BMPR2: variants seen among roughly 807,000 people sequenced by gnomAD.
The protein encoded by BMPR2 is bone morphogenetic protein receptor type 2, also known as bone morphogenetic protein receptor type-2.
BMPR2 carries 29 observed loss-of-function variants against 100.8 expected under a neutral mutation model. That is an observed-to-expected ratio of 0.29 (90% CI 0.21 to 0.39). The LOEUF (loss-of-function observed/expected upper bound fraction) is 0.39, where lower values mean the gene tolerates loss of function less well. BMPR2 is among the 10% of genes least tolerant of loss of function. BMPR2 has a pLI of 1.00. For synonymous variants in BMPR2, 382 were observed against 442.3 expected, an observed-to-expected ratio of 0.86 and a Z score of 1.71; for missense variants, 1,011 against 1,274.5, an observed-to-expected ratio of 0.79 and a Z score of 3.15.
At chr2:202,400,902 A>G (rs1370655532) in intron 1 of BMPR2, among the ~76,000 whole-genome samples, 3 of 152,220 alleles carry the variant, frequency 2.0e-5, no homozygotes, top group African/African-American at 4.8e-5. Context: ...TCTATAATCT[A>G]TTCTAATACT....
At chr2:202,438,650 A>G (rs1040242698) in intron 1 of BMPR2, among the ~76,000 whole-genome samples, 2 of 150,554 alleles carry the variant, frequency 1.3e-5, no homozygotes, top group Admixed American at 1.3e-4. Context: ...ATACAAGGTT[A>G]GGGGATCCAA....
intron 3 of BMPR2, among the ~76,000 whole-genome samples, chr2:202,506,256 A>G (rs957445591): frequency 2.0e-5 from 3 of 152,014 alleles, no homozygotes; most frequent in African/African-American, 7.3e-5. Context: ...TCTTGGGTTC[A>G]AGTGATTCTC....
rs182651291 is a variant in BMPR2 at position 202,462,519 on chromosome 2, T to A, written c.77-2290T>A. 5.9e-4 allele frequency among the ~76,000 whole-genome samples: 90 copies of A among 151,866 alleles called. 1 individual carries two copies. Among genetic ancestry groups the A allele is most frequent in the African/African-American group, 2.1e-3 (89 of 41,466 alleles). On this transcript the variant is annotated intron_variant, in intron 1 of 12. Transcript: ENST00000374580. Reference sequence around the variant, plus strand: ...CAGGCGTGAGCCACCGTGCCCAGGCTAGTAACCACTGTTTATCTATTAATT... The same window carrying A: ...CAGGCGTGAGCCACCGTGCCCAGGCAAGTAACCACTGTTTATCTATTAATT...
intron 5 of BMPR2, among the ~76,000 whole-genome samples, chr2:202,517,344 T>C (rs1421635900): frequency 6.6e-6 from 1 of 150,892 alleles, no homozygotes; most frequent in Non-Finnish European, 1.5e-5. Flanking sequence ...TCTTTTTTTT[T>C]TTTTTTTTAC....
At chr2:202,529,210 A>G (rs1574493087) in intron 7 of BMPR2, among the ~76,000 whole-genome samples, 3 of 152,222 alleles carry the variant, frequency 2.0e-5, no homozygotes, top group African/African-American at 7.2e-5. Context: ...TAATATGTAT[A>G]AATATCCATA....
rs866646865 is a variant in BMPR2 at position 202,393,888 on chromosome 2, A to C, written c.76+16338A>C. Among the ~76,000 whole-genome samples the C allele has an allele frequency of 1.5e-3, 83 of 56,370 alleles. No individual in the cohort carries two copies. The South Asian group carries it at 0.015, about 10-fold the overall frequency. 37.0% of individuals were successfully genotyped at this position (56,370 alleles called of 152,430 possible). The stretch of plus-strand genomic sequence containing the variant: ...AATTAAGGTAATGAGAGAGCGAGAG[A>C]GAGAGAGAGAGAGAGAGAGAGAGAG... On this transcript the variant is annotated intron_variant, in intron 1 of 12. Transcript: ENST00000374580.
intron 1 of BMPR2, among the ~76,000 whole-genome samples, chr2:202,403,215 T>G (rs1690806434): frequency 8.2e-6 from 1 of 121,868 alleles, no homozygotes; most frequent in African/African-American, 3.1e-5. Flanking sequence ...CCCTCCTCTT[T>G]TCGAGACAGA....
At chr2:202,542,109 T>TAA (rs767970972) in intron 9 of BMPR2, among the ~76,000 whole-genome samples, 1 of 129,240 alleles carries the variant, frequency 7.7e-6, no homozygotes, top group Non-Finnish European at 1.7e-5. Flanking sequence ...AGACTCCGTC[T>TAA]AAAAAAAAAA....
At chr2:202,470,669 C>CGTG (rs1692418448) in intron 3 of BMPR2, among the ~76,000 whole-genome samples, 3 of 149,156 alleles carry the variant, frequency 2.0e-5, no homozygotes, top group African/African-American at 7.4e-5. Flanking sequence ...GAGGCTGAGG[C>CGTG]AGGAGAATGG....
At chr2:202,533,066 C>T (rs1347091052) in intron 9 of BMPR2, among the ~76,000 whole-genome samples, 1 of 152,106 alleles carries the variant, frequency 6.6e-6, no homozygotes, top group Non-Finnish European at 1.5e-5. Flanking sequence ...GGTACACTTA[C>T]GATGTTTACT....
chr2:202,466,397 C>T (rs1036721288), intron 2 of BMPR2, among the ~76,000 whole-genome samples: 1 of 152,106 alleles, frequency 6.6e-6, no homozygotes, highest in Non-Finnish European at 1.5e-5. Flanking sequence ...AGCGATTCTC[C>T]TGCCTCAGCC....
chr2:202,380,498 C>T (rs1690259360), intron 1 of BMPR2, among the ~76,000 whole-genome samples: 1 of 152,006 alleles, frequency 6.6e-6, no homozygotes, highest in African/African-American at 2.4e-5. Flanking sequence ...GATAAAAATG[C>T]ATATTTTTGG....
intron 3 of BMPR2, among the ~76,000 whole-genome samples, chr2:202,492,813 A>G (rs1692934637): frequency 6.6e-6 from 1 of 151,720 alleles, no homozygotes; most frequent in Non-Finnish European, 1.5e-5. Context: ...GAGAAATTTA[A>G]TGGGGAAAAA....
At chr2:202,499,353 G>A (rs1230399631) in intron 3 of BMPR2, among the ~76,000 whole-genome samples, 1 of 152,210 alleles carries the variant, frequency 6.6e-6, no homozygotes, top group Non-Finnish European at 1.5e-5. Flanking sequence ...TGGTATCTTA[G>A]TAAAGTAAAT....
At chr2:202,540,292 C>T (rs1280117668) in intron 9 of BMPR2, among the ~76,000 whole-genome samples, 1 of 152,048 alleles carries the variant, frequency 6.6e-6, no homozygotes, top group Admixed American at 6.6e-5. Flanking sequence ...GTGTATGTCT[C>T]AGAGACAGAT....
chr2:202,541,283 T>C (rs957018030), intron 9 of BMPR2, among the ~76,000 whole-genome samples: 1 of 151,932 alleles, frequency 6.6e-6, no homozygotes, highest in Non-Finnish European at 1.5e-5. Flanking sequence ...TCTACAAAAA[T>C]ATTTTTAAAA....
intron 9 of BMPR2, among the ~76,000 whole-genome samples, chr2:202,541,130 ACTAC>A (rs1437792368): frequency 6.6e-6 from 1 of 152,218 alleles, no homozygotes; most frequent in Admixed American, 6.5e-5. Context: ...TGATCTAAAT[ACTAC>A]CTGTTAGTTA....
At chr2:202,533,921 C>T (rs370563259) in intron 9 of BMPR2, among the ~76,000 whole-genome samples, 80 of 152,214 alleles carry the variant, frequency 5.3e-4, no homozygotes, top group African/African-American at 1.9e-3. Flanking sequence ...GGGATTACAT[C>T]GTTGTAGTAT....
chr2:202,538,264 GC>G (rs1196610275), intron 9 of BMPR2, among the ~76,000 whole-genome samples: 2 of 150,990 alleles, frequency 1.3e-5, no homozygotes, highest in Non-Finnish European at 3.0e-5. Context: ...AACCAGCCGG[GC>G]CAACATGGTG....
Sources: gnomAD v4.1 joint callset for allele counts (sites outside exome capture counted in the v4.1 genomes callset) on GRCh38, gnomAD v4.1.1 for gene constraint, MANE v1.5 for transcripts, NCBI Gene and HGNC (gene_info 2026-07-23, HGNC 2026-07-21) for gene names.